CTNND2: variants seen among roughly 807,000 people sequenced by gnomAD.
CTNND2 encodes catenin delta-2.
CTNND2 carries 22 observed loss-of-function variants against 144.4 expected under a neutral mutation model. The ratio of observed to expected loss-of-function variants is 0.15; its 90% confidence interval spans 0.11 to 0.22. The LOEUF is 0.22. CTNND2 is among the 10% of genes least tolerant of loss of function. CTNND2 has a pLI of 1.00. For synonymous variants in CTNND2, 751 were observed against 695.6 expected (o/e 1.08, Z -1.25); for missense variants, 1,353 against 1,618.8 (o/e 0.84, Z 2.82).
chr5:11,230,696 T>C (rs1225082791), intron 10 of CTNND2, among the ~76,000 whole-genome samples: 1 of 152,226 alleles, frequency 6.6e-6, no homozygotes, highest in East Asian at 1.9e-4. Flanking sequence ...CTTCTCCTTC[T>C]CCCATCCTCT....
intron 16 of CTNND2, among the ~76,000 whole-genome samples, chr5:11,023,196 T>C (rs369114275): frequency 1.4e-3 from 212 of 152,318 alleles, no homozygotes; most frequent in South Asian, 3.3e-3. Context: ...TGCTGCTAGA[T>C]TGACCTGGGA....
At chr5:11,868,919 C>T (rs896278158) in intron 1 of CTNND2, among the ~76,000 whole-genome samples, 2 of 152,082 alleles carry the variant, frequency 1.3e-5, no homozygotes, top group African/African-American at 4.8e-5. Context: ...TATAAATTAG[C>T]CAGTTTTACA....
intron 1 of CTNND2, among the ~76,000 whole-genome samples, chr5:11,843,553 C>A (rs1010967599): frequency 6.6e-6 from 1 of 152,136 alleles, no homozygotes; most frequent in Admixed American, 6.5e-5. Flanking sequence ...TGTCCATAAA[C>A]CTGATCTCAA....
At chr5:11,401,483 G>GA (rs1487632052) in intron 5 of CTNND2, among the ~76,000 whole-genome samples, 2 of 152,246 alleles carry the variant, frequency 1.3e-5, no homozygotes, top group African/African-American at 4.8e-5. Context: ...AACGTGTGTT[G>GA]AAAAAAATCC....
intron 10 of CTNND2, among the ~76,000 whole-genome samples, chr5:11,218,922 C>T (rs183689718): frequency 7.0e-4 from 106 of 152,312 alleles, no homozygotes; most frequent in African/African-American, 1.5e-3. Context: ...CAGGTATACC[C>T]ACCATTTTCA....
Position 11,364,773 on chromosome 5 carries a change from G to A in CTNND2, c.1295C>T (p.Pro432Leu). 6.2e-7 allele frequency: 1 copy of A among 1,613,892 alleles called. No homozygotes were observed. Among genetic ancestry groups the A allele is most frequent in the Non-Finnish European group, 8.5e-7 (1 of 1,179,928 alleles). Residue 432 changes from proline (P) to leucine (L), a missense_variant, in exon 8 of 22, where the codon CCC becomes CTC. By Grantham distance (98) the Pro-to-Leu change is moderately conservative. Around this residue, in one of 4 missense-constraint regions of CTNND2, gnomAD observed 708 missense variants for 706.4 expected, o/e 1.00. Coordinates refer to ENST00000304623, the MANE Select transcript of CTNND2 (RefSeq NM_001332.4). ...GCTCTGGCTGAGACTCCTCATAGGGGGCTTCTGATAGACGCGGTCTTCATA... is the reference window on the plus strand; with the variant it reads ...GCTCTGGCTGAGACTCCTCATAGGGAGCTTCTGATAGACGCGGTCTTCATA... ...PIYEDRVYQK[P>L]PMRSLSQSQG... is the part of the protein sequence containing the mutation.
intron 1 of CTNND2, among the ~76,000 whole-genome samples, chr5:11,879,355 A>ATATG: frequency 7.5e-6 from 1 of 132,632 alleles, no homozygotes; most frequent in Admixed American, 7.6e-5. Context: ...ATATATATAT[A>ATATG]TACATATACA....
chr5:11,894,191 G>A (rs1317665652), intron 1 of CTNND2, among the ~76,000 whole-genome samples: 5 of 150,818 alleles, frequency 3.3e-5, no homozygotes, highest in East Asian at 2.0e-4. Flanking sequence ...TGCCAGACGC[G>A]GCAGCCCACC....
At chr5:11,766,266 A>C (rs958161487) in intron 1 of CTNND2, among the ~76,000 whole-genome samples, 2 of 152,168 alleles carry the variant, frequency 1.3e-5, no homozygotes, top group Non-Finnish European at 2.9e-5. Context: ...CAATGGTATT[A>C]GTGTTGGTGG....
At chr5:11,763,703 G>C (rs980820624) in intron 1 of CTNND2, among the ~76,000 whole-genome samples, 1 of 152,154 alleles carries the variant, frequency 6.6e-6, no homozygotes, top group African/African-American at 2.4e-5. Flanking sequence ...TCATTGAATG[G>C]AGAAACATCT....
intron 2 of CTNND2, among the ~76,000 whole-genome samples, chr5:11,721,152 C>T (rs185658708): frequency 1.8e-3 from 281 of 152,188 alleles, no homozygotes; most frequent in Non-Finnish European, 3.0e-3. Flanking sequence ...AATGAAATCC[C>T]GATGCATGCC....
chr5:11,289,381 T>C (rs1184280279), intron 9 of CTNND2, among the ~76,000 whole-genome samples: 5 of 152,144 alleles, frequency 3.3e-5, no homozygotes, highest in African/African-American at 1.2e-4. Flanking sequence ...GGGGAAAACA[T>C]TCTATGCTTT....
At chr5:11,706,759 G>T (rs1785716204) in intron 2 of CTNND2, among the ~76,000 whole-genome samples, 3 of 151,348 alleles carry the variant, frequency 2.0e-5, no homozygotes, top group South Asian at 2.1e-4. Flanking sequence ...AGTTTTTTTT[G>T]ATGATGAACT....
At chr5:11,262,711 G>T (rs529078322) in intron 9 of CTNND2, among the ~76,000 whole-genome samples, 1 of 128,728 alleles carries the variant, frequency 7.8e-6, no homozygotes, top group African/African-American at 3.0e-5. Context: ...GCAGTGAGTC[G>T]AGACCGCACC....
chr5:11,809,730 T>C (rs1209385825), intron 1 of CTNND2, among the ~76,000 whole-genome samples: 1 of 152,122 alleles, frequency 6.6e-6, no homozygotes, highest in Non-Finnish European at 1.5e-5. Context: ...AGGGTCACAG[T>C]TTAGTAGAGG....
intron 1 of CTNND2, among the ~76,000 whole-genome samples, chr5:11,899,479 G>T (rs1171057076): frequency 2.6e-5 from 4 of 152,156 alleles, no homozygotes; most frequent in Non-Finnish European, 4.4e-5. Context: ...GGGCTGGTAT[G>T]TTTCAGAATA....
At chr5:11,473,367 A>G (rs1018005198) in intron 3 of CTNND2, among the ~76,000 whole-genome samples, 7 of 152,226 alleles carry the variant, frequency 4.6e-5, no homozygotes, top group African/African-American at 1.7e-4. Flanking sequence ...GTTGTTTATT[A>G]TAAGTATTAG....
chr5:11,466,530 T>C (rs1766696856), intron 3 of CTNND2, among the ~76,000 whole-genome samples: 1 of 152,226 alleles, frequency 6.6e-6, no homozygotes, highest in Non-Finnish European at 1.5e-5. Flanking sequence ...AAAAACTGAA[T>C]TGTTAATGAA....
chr5:11,509,321 T>G (rs190228793), intron 3 of CTNND2, among the ~76,000 whole-genome samples: 5 of 152,100 alleles, frequency 3.3e-5, no homozygotes, highest in African/African-American at 1.2e-4. Flanking sequence ...ATAAAACAGA[T>G]AGAAGAAGCT....
Sources: gnomAD v4.1 joint callset for allele counts (sites outside exome capture counted in the v4.1 genomes callset) on GRCh38, gnomAD v4.1.1 for gene constraint, gnomAD v4.1.1 regional missense constraint, MANE v1.5 for transcripts, NCBI Gene and HGNC (gene_info 2026-07-23, HGNC 2026-07-21) for gene names.